The following KIF11 variants were observed in gnomAD, a reference collection of about 807,000 sequenced individuals.
KIF11 encodes kinesin family member 11, also known as kinesin-like protein KIF11.
KIF11 carries 9 observed loss-of-function variants against 121.0 expected under a neutral mutation model. That is an observed-to-expected ratio of 0.07 (90% CI 0.04 to 0.13). The LOEUF (loss-of-function observed/expected upper bound fraction) is 0.13. KIF11 is among the 10% of genes least tolerant of loss of function. KIF11 has a pLI of 1.00. For missense variants in KIF11, 846 were observed against 1,217.5 expected (o/e 0.69, Z 4.54); for synonymous variants, 408 against 421.0 (o/e 0.97, Z 0.38).
At chr10:92,601,509 C>T (rs1387279940) in intron 1 of KIF11, among the ~76,000 whole-genome samples, 1 of 151,978 alleles carries the variant, frequency 6.6e-6, no homozygotes, top group Non-Finnish European at 1.5e-5. Flanking sequence ...ATGCCCGGCC[C>T]TTGTTTTTCT....
chr10:92,653,555 A>G (rs961430210), intron 21 of KIF11, 110 bp from the exon 22 acceptor site: 3 of 1,054,584 alleles, frequency 2.8e-6, no homozygotes, highest in African/African-American at 1.6e-5. Context: ...TTGGTTTTCT[A>G]CACTTAAGTT....
intron 8 of KIF11, among the ~76,000 whole-genome samples, chr10:92,616,282 C>T (rs1158964332): frequency 6.6e-6 from 1 of 151,514 alleles, no homozygotes; most frequent in Admixed American, 6.6e-5. Context: ...ACTGTAACCT[C>T]AACCTCCTGG....
chr10:92,639,514 G>A (rs912186858), intron 16 of KIF11, among the ~76,000 whole-genome samples: 2 of 151,964 alleles, frequency 1.3e-5, no homozygotes, highest in Non-Finnish European at 2.9e-5. Flanking sequence ...GATCCCTTGA[G>A]CCCAGGAGGT....
chr10:92,639,592 C>CT (rs1308611564), intron 16 of KIF11, among the ~76,000 whole-genome samples: 2 of 150,990 alleles, frequency 1.3e-5, no homozygotes, highest in Non-Finnish European at 3.0e-5. Flanking sequence ...GACCCTGTCT[C>CT]TAAAAAAAAA....
chr10:92,617,427 AATTATATG>A (rs1361683802), intron 9 of KIF11, among the ~76,000 whole-genome samples: 13 of 152,326 alleles, frequency 8.5e-5, no homozygotes, highest in African/African-American at 3.1e-4. Flanking sequence ...AATAGTATTC[AATTATATG>A]CTGATAATAT....
rs139522037 is a variant in KIF11, at chr10:92,621,454, A to G, written c.1198A>G (p.Ile400Val). The change falls in exon 10 of 22, where the codon ATT (isoleucine) becomes GTT (valine). Residue 400 changes from isoleucine to valine, a missense_variant. Ile to Val is a conservative substitution (Grantham distance 29). Transcript: ENST00000260731. ...AGCCCGTGAGAAAAATGGAGTGTAT[A>G]TTTCTGAAGAAAATTTTAGGTAAGC... ...AAAREKNGVY[I>V]SEENFRVMSG... 13 of 1,610,786 alleles carry G rather than the reference A, an allele frequency of 8.1e-6. No homozygotes were observed. Among genetic ancestry groups the G allele is most frequent in the Non-Finnish European group, 1.1e-5 (13 of 1,177,626 alleles).
At position 92,637,535 on chromosome 10, in the gene KIF11, C is replaced by T. The variant is rs369741638; in HGVS notation, c.2150C>T (p.Thr717Ile). ...LTEDLKTIKQ[T>I]HSQELCKLMN... ...GAAGACCTGAAGACAATAAAGCAGA[C>T]CCATTCCCAGGTATGTTGTTTAGCG... Residue 717 changes from threonine to isoleucine, a missense_variant, in exon 16 of 22, where the codon ACC becomes ATC. Transcript: ENST00000260731. 2 of 1,600,400 alleles carry T rather than the reference C, an allele frequency of 1.2e-6. No homozygotes were observed. The highest frequency in any genetic ancestry group is 2.3e-5 in the South Asian group (2 of 87,534).
At chr10:92,627,629 T>A (rs1844694498) in intron 10 of KIF11, among the ~76,000 whole-genome samples, 1 of 152,196 alleles carries the variant, frequency 6.6e-6, no homozygotes, top group South Asian at 2.1e-4. Context: ...CTGTCATTTG[T>A]ATTTATTTTC....
chr10:92,602,051 G>C (rs905699631), intron 1 of KIF11, among the ~76,000 whole-genome samples: 2 of 152,072 alleles, frequency 1.3e-5, no homozygotes, highest in Non-Finnish European at 2.9e-5. Context: ...TTCTGTTAAT[G>C]TGGTATATTA....
rs553825687 is a variant in KIF11 at position 92,612,882 on chromosome 10, C to T, written c.699-158C>T. ...AACAAAATCCTAATCACTGTTCTAT[C>T]TATCTCCTATCTTCCAAAATATTCT... On this transcript the variant is annotated intron_variant, in intron 6 of 21. Transcript: ENST00000260731. Among the ~76,000 whole-genome samples the T allele has an allele frequency of 2.6e-5, 4 of 152,320 alleles. No individual in the cohort carries two copies. The East Asian group carries it at 7.7e-4, about 29-fold the overall frequency.
chr10:92,633,608 TTTTG>T lies in KIF11; in HGVS notation c.1703-8_1703-5del, dbSNP rs1453955057. ...TATGTCAAAGTTTACATCTTTCTGT[TTTTG>T]TTTGTTATAGGTAATCTGCTGTCTT... On this transcript the variant is annotated splice_polypyrimidine_tract_variant and intron_variant, in intron 13 of 21. Coordinates refer to ENST00000260731, the MANE Select transcript of KIF11 (RefSeq NM_004523.4). 2 of 1,569,018 alleles carry T rather than the reference TTTTG, an allele frequency of 1.3e-6. No individual in the cohort carries two copies. The highest frequency in any genetic ancestry group is 2.2e-5 in the East Asian group (1 of 44,454).
intron 1 of KIF11, among the ~76,000 whole-genome samples, chr10:92,603,296 G>A (rs1440215826): frequency 8.4e-5 from 10 of 119,374 alleles, no homozygotes; most frequent in Non-Finnish European, 1.1e-4. Context: ...ACAGAGTCTC[G>A]CTCTGTTGCC....
chr10:92,598,430 C>G (rs1844326530), intron 1 of KIF11, among the ~76,000 whole-genome samples: 1 of 152,096 alleles, frequency 6.6e-6, no homozygotes, highest in Admixed American at 6.6e-5. Context: ...TTTCTAAGTG[C>G]TGTTATGTTC....
At chr10:92,600,990 GC>G (rs1412740477) in intron 1 of KIF11, among the ~76,000 whole-genome samples, 3 of 150,740 alleles carry the variant, frequency 2.0e-5, no homozygotes, top group Non-Finnish European at 4.4e-5. Context: ...CTCCCAAGTA[GC>G]TGGGATTACA....
chr10:92,639,768 C>T, intron 16 of KIF11, 26 bp from the exon 17 acceptor site: 1 of 1,376,128 alleles, frequency 7.3e-7, no homozygotes, highest in South Asian at 1.2e-5. Context: ...TTTTAAGTCT[C>T]TTCACTTCCC....
chr10:92,634,487 T>C (rs1844774883), intron 14 of KIF11, among the ~76,000 whole-genome samples: 1 of 148,532 alleles, frequency 6.7e-6, no homozygotes, highest in Admixed American at 6.8e-5. Flanking sequence ...TTGGTCAGGC[T>C]GGTCTCAAGC....
At chr10:92,632,172 C>CT (rs532978233) in intron 12 of KIF11, among the ~76,000 whole-genome samples, 93 of 147,206 alleles carry the variant, frequency 6.3e-4, no homozygotes, top group South Asian at 8.6e-4. Context: ...CTAAAATTGA[C>CT]TTTTTTTTTT....
At chr10:92,596,985 C>T in intron 1 of KIF11, 1 of 383,592 alleles carries the variant, frequency 2.6e-6, no homozygotes, top group Non-Finnish European at 5.3e-6. Flanking sequence ...GCTGTAGATA[C>T]CAATGCATGG....
chr10:92,637,387 A>G lies in KIF11; in HGVS notation c.2002A>G (p.Ile668Val). ...GAAACTCATTTTTGTTTCTTCAAAGATAGAAGATCAAAAAAAGGAACTAGA... is the reference window on the plus strand; with the variant it reads ...GAAACTCATTTTTGTTTCTTCAAAGGTAGAAGATCAAAAAAAGGAACTAGA... ...FKTSLTVADK[I>V]EDQKKELDGF... is the part of the protein sequence containing the mutation. Residue 668 changes from isoleucine to valine, a missense_variant and splice_region_variant, in exon 16 of 22, where the codon ATA (isoleucine) becomes GTA (valine). Physicochemically the swap from Ile to Val is conservative, Grantham distance 29. Transcript: ENST00000260731. The G allele has an allele frequency of 1.3e-6, 2 of 1,579,408 alleles. No homozygotes were observed. The highest frequency in any genetic ancestry group is 2.4e-5 in the South Asian group (2 of 84,598).
Sources: gnomAD v4.1 joint callset for allele counts (sites outside exome capture counted in the v4.1 genomes callset) on GRCh38, gnomAD v4.1.1 for gene constraint, MANE v1.5 for transcripts, NCBI Gene and HGNC (gene_info 2026-07-23, HGNC 2026-07-21) for gene names.